Variants in PTPRG observed in about 807,000 individuals in gnomAD.
The protein encoded by PTPRG is receptor-type tyrosine-protein phosphatase gamma.
PTPRG carries 102 observed loss-of-function variants against 165.3 expected under a neutral mutation model. The observed-to-expected ratio is 0.62, with a 90% CI of 0.53 to 0.73. The LOEUF (loss-of-function observed/expected upper bound fraction) is 0.73, where lower values mean the gene tolerates loss of function less well. PTPRG is among the 30% of genes least tolerant of loss of function. PTPRG has a pLI of 0.00. For missense variants in PTPRG, 1,866 were observed against 1,861.4 expected (o/e 1.00, Z -0.05); for synonymous variants, 675 against 669.5 (o/e 1.01, Z -0.13).
intron 5 of PTPRG, chr3:62,124,310 C>A (rs1703201613): frequency 1.9e-6 from 3 of 1,606,886 alleles, no homozygotes; most frequent in Non-Finnish European, 2.6e-6. Context: ...CAGCGGCATC[C>A]TGGATGCCTG....
Position 61,748,957 on chromosome 3 carries a change from A to G in PTPRG, c.165A>G (p.Ser55=), listed in dbSNP as rs1417231357. The stretch of plus-strand genomic sequence containing the variant: ...TGCAGATCCGCAGGCGCAAGGCTTC[A>G]GGCGACCCGTACTGGGCCTACTCTG... ...SAVQIRRRKA[S]GDPYWAYSGA... The change falls in exon 2 of 30, where the codon TCA becomes TCG. Residue 55 remains serine, a synonymous_variant. Coordinates refer to ENST00000474889, the MANE Select transcript of PTPRG (RefSeq NM_002841.4). 1 of 1,611,680 alleles carries G rather than the reference A, an allele frequency of 6.2e-7. No individual in the cohort carries two copies. The highest frequency in any genetic ancestry group is 8.5e-7 in the Non-Finnish European group (1 of 1,178,914).
intron 1 of PTPRG, among the ~76,000 whole-genome samples, chr3:61,564,863 C>A (rs1452500949): frequency 6.6e-6 from 1 of 152,198 alleles, no homozygotes; most frequent in Non-Finnish European, 1.5e-5. Context: ...GAGGCGGCGG[C>A]CTCGGCCTGG....
rs35846878 is a variant in PTPRG, at chr3:61,880,622, C to CAAAA, written c.191-108984_191-108981dup. ...TTGGGTGACAACGCGAACCCTGTCTCAAAAAAAAAAAAAAAAAAAAAAGAG... is the reference window on the plus strand; with the variant it reads ...TTGGGTGACAACGCGAACCCTGTCTCAAAAAAAAAAAAAAAAAAAAAAAAAAGAG... On this transcript the variant is annotated intron_variant, in intron 2 of 29. Transcript: ENST00000474889. 1.2e-3 allele frequency among the ~76,000 whole-genome samples: 97 copies of CAAAA among 80,052 alleles called. 1 individual carries two copies. The highest frequency in any genetic ancestry group is 3.5e-3 in the South Asian group (8 of 2,282). 52.5% of individuals were successfully genotyped at this position (80,052 alleles called of 152,430 possible). A position where few individuals can be genotyped will look rare whatever the true frequency, so the allele number is the denominator to read the frequency against.
At position 62,273,451 on chromosome 3, in the gene PTPRG, A is replaced by G. The variant is rs137892211; in HGVS notation, c.3319-247A>G. Among the ~76,000 whole-genome samples, 437 of 152,310 alleles carry G rather than the reference A, an allele frequency of 2.9e-3. 2 individuals are homozygous for G. The highest frequency in any genetic ancestry group is 0.01 in the African/African-American group (429 of 41,586). On this transcript the variant is annotated intron_variant, in intron 22 of 29. Coordinates refer to ENST00000474889, the MANE Select transcript of PTPRG (RefSeq NM_002841.4). The surrounding 1 kb of genome is among the most constrained non-coding windows in gnomAD (Gnocchi z 4.1). ...GTTTGCTTATTGAGTTGAAGCAATA[A>G]GCACAGTATAGAATACCGTGATCCA...
chr3:61,650,957 C>G (rs956556126), intron 1 of PTPRG, among the ~76,000 whole-genome samples: 2 of 152,008 alleles, frequency 1.3e-5, no homozygotes, highest in African/African-American at 4.8e-5. Flanking sequence ...CAATTTGAAC[C>G]TATATTTTTT....
At chr3:61,935,719 T>G (rs1308624377) in intron 2 of PTPRG, among the ~76,000 whole-genome samples, 2 of 151,586 alleles carry the variant, frequency 1.3e-5, no homozygotes, top group Admixed American at 6.6e-5. Flanking sequence ...TTGTAATTTC[T>G]GTATATTTGC....
chr3:61,577,870 A>G (rs1328447206), intron 1 of PTPRG, among the ~76,000 whole-genome samples: 1 of 152,206 alleles, frequency 6.6e-6, no homozygotes, highest in Admixed American at 6.5e-5. Flanking sequence ...CCTAGAAGAT[A>G]CTGCCTCTGG....
chr3:61,828,634 A>T (rs2036179206), intron 2 of PTPRG, among the ~76,000 whole-genome samples: 2 of 152,204 alleles, frequency 1.3e-5, no homozygotes, highest in African/African-American at 4.8e-5. Context: ...GTGTGAACCC[A>T]GGGGAGGAGT....
At chr3:61,915,543 C>T (rs1238225301) in intron 2 of PTPRG, among the ~76,000 whole-genome samples, 1 of 152,142 alleles carries the variant, frequency 6.6e-6, no homozygotes, top group Non-Finnish European at 1.5e-5. Context: ...TCTTATTTGT[C>T]ATCATCTTAT....
At chr3:61,811,220 T>C (rs531771633) in intron 2 of PTPRG, among the ~76,000 whole-genome samples, 1 of 152,144 alleles carries the variant, frequency 6.6e-6, no homozygotes, top group African/African-American at 2.4e-5. Flanking sequence ...TTGAATGTGC[T>C]TGCATGACTT....
chr3:61,854,998 T>C (rs1394521022), intron 2 of PTPRG, among the ~76,000 whole-genome samples: 5 of 152,320 alleles, frequency 3.3e-5, no homozygotes, highest in African/African-American at 1.2e-4. Flanking sequence ...TTTATAGTGG[T>C]ATGAAGTATT....
chr3:62,214,178 C>T lies in PTPRG; in HGVS notation c.2156-4673C>T, dbSNP rs1489940848. On this transcript the variant is annotated intron_variant, in intron 12 of 29. Coordinates refer to ENST00000474889, the MANE Select transcript of PTPRG (RefSeq NM_002841.4). The surrounding 1 kb of genome is among the most constrained non-coding windows in gnomAD (Gnocchi z 5.2). ...AAGTTCTGTATGACTGCCACTTACA[C>T]ACTCAGATGTTACAGAGAGGAGTCA... 6.6e-6 allele frequency among the ~76,000 whole-genome samples: 1 copy of T among 152,200 alleles called. No homozygotes were observed. The highest frequency in any genetic ancestry group is 1.9e-4 in the East Asian group (1 of 5,186).
At chr3:62,285,255 T>C (rs1183204894) in intron 28 of PTPRG, among the ~76,000 whole-genome samples, 1 of 152,134 alleles carries the variant, frequency 6.6e-6, no homozygotes, top group Non-Finnish European at 1.5e-5. Flanking sequence ...AACTATTAAG[T>C]ATATGTACCC....
intron 1 of PTPRG, among the ~76,000 whole-genome samples, chr3:61,675,620 C>CT (rs1703193561): frequency 6.6e-6 from 1 of 152,038 alleles, no homozygotes; most frequent in African/African-American, 2.4e-5. Context: ...AGTTGTATGT[C>CT]TTTTTTCTGC....
At chr3:61,765,480 G>A (rs760089977) in intron 2 of PTPRG, among the ~76,000 whole-genome samples, 20 of 152,146 alleles carry the variant, frequency 1.3e-4, no homozygotes, top group Middle Eastern at 6.8e-3. Flanking sequence ...TCTTAGTATT[G>A]CTAACCATGA....
chr3:61,628,652 A>G (rs954263721), intron 1 of PTPRG, among the ~76,000 whole-genome samples: 1 of 152,130 alleles, frequency 6.6e-6, no homozygotes, highest in African/African-American at 2.4e-5. Context: ...TTCTAATGAT[A>G]TAATGTTGGT....
intron 2 of PTPRG, among the ~76,000 whole-genome samples, chr3:61,901,761 T>C (rs2038504538): frequency 6.6e-6 from 1 of 152,194 alleles, no homozygotes; most frequent in Admixed American, 6.5e-5. Flanking sequence ...GCTCCTGGGG[T>C]CTGAACCATC....
At chr3:61,771,219 A>G (rs534199870) in intron 2 of PTPRG, 1 of 152,290 alleles carries the variant, frequency 6.6e-6, no homozygotes, top group Admixed American at 6.5e-5. Context: ...CTTTTTGGTA[A>G]TGAAGCTTTT....
At chr3:62,207,611 C>A (rs1017087771) in intron 12 of PTPRG, among the ~76,000 whole-genome samples, 1 of 152,100 alleles carries the variant, frequency 6.6e-6, no homozygotes, top group Non-Finnish European at 1.5e-5. Context: ...TTAATCAATA[C>A]CTGGTCTCTG....
Sources: allele counts gnomAD v4.1 joint callset (sites outside exome capture counted in the v4.1 genomes callset), GRCh38; gene constraint gnomAD v4.1.1; non-coding constraint Gnocchi (gnomAD v3.1); transcripts MANE v1.5; gene names NCBI Gene and HGNC (gene_info 2026-07-23, HGNC 2026-07-21).